SUSD1: variants seen among roughly 807,000 people sequenced by gnomAD.
The protein encoded by SUSD1 is sushi domain containing 1.
SUSD1 carries 65 observed loss-of-function variants against 86.9 expected under a neutral mutation model. The observed-to-expected ratio is 0.75, with a 90% CI of 0.61 to 0.92. SUSD1 has a LOEUF of 0.92. Among genes scored for constraint, SUSD1 ranks in the 40% least tolerant of loss-of-function variants. SUSD1 has a pLI of 0.00. For synonymous variants in SUSD1, 346 were observed against 350.0 expected, an observed-to-expected ratio of 0.99 and a Z score of 0.13; for missense variants, 850 against 929.7, an observed-to-expected ratio of 0.91 and a Z score of 1.11.
chr9:112,078,342 T>C (rs1829610495), intron 12 of SUSD1, among the ~76,000 whole-genome samples, 196 bp downstream of exon 12: 1 of 151,982 alleles, frequency 6.6e-6, no homozygotes, highest in Admixed American at 6.6e-5. Flanking sequence ...AGACCCTGCC[T>C]CAAAAAAAGA....
chr9:112,129,760 T>G (rs1225285007), intron 5 of SUSD1, among the ~76,000 whole-genome samples: 2 of 152,230 alleles, frequency 1.3e-5, no homozygotes, highest in Non-Finnish European at 2.9e-5. Context: ...TTATAATTCT[T>G]GTACCTCCAC....
At chr9:112,072,140 C>CTTTTTTTTTTTTTTTTTTTTTTTTTTTTT in intron 12 of SUSD1, among the ~76,000 whole-genome samples, 3 of 121,168 alleles carry the variant, frequency 2.5e-5, no homozygotes, top group Non-Finnish European at 3.3e-5. Flanking sequence ...CTTTCTTTCT[C>CTTTTTTTTTTTTTTTTTTTTTTTTTTTTT]TTTTTTTTTT....
At chr9:112,070,365 T>C (rs1829213940) in intron 12 of SUSD1, among the ~76,000 whole-genome samples, 1 of 152,206 alleles carries the variant, frequency 6.6e-6, no homozygotes, top group Admixed American at 6.5e-5. Context: ...CTAAGCCTCG[T>C]CAGGCTGGTT....
chr9:112,166,215 G>A (rs908879711), intron 1 of SUSD1, among the ~76,000 whole-genome samples: 9 of 152,152 alleles, frequency 5.9e-5, no homozygotes, highest in South Asian at 2.1e-4. Context: ...AGGACTTTGC[G>A]GGACAACTCT....
chr9:112,065,070 T>C (rs886437948), intron 12 of SUSD1, among the ~76,000 whole-genome samples: 1 of 152,212 alleles, frequency 6.6e-6, no homozygotes, highest in Non-Finnish European at 1.5e-5. Flanking sequence ...GATTGTTACT[T>C]GTCCAAAGGC....
chr9:112,117,772 G>C (rs1444480041), intron 6 of SUSD1, among the ~76,000 whole-genome samples: 1 of 152,106 alleles, frequency 6.6e-6, no homozygotes, highest in Non-Finnish European at 1.5e-5. Flanking sequence ...TAAAAACTAT[G>C]TATTATTTGG....
chr9:112,054,053 T>C (rs1045984283), intron 14 of SUSD1, among the ~76,000 whole-genome samples: 2 of 152,170 alleles, frequency 1.3e-5, no homozygotes, highest in African/African-American at 2.4e-5. Flanking sequence ...ATGGGAGGCA[T>C]GGCAATGCTA....
chr9:112,117,753 T>A (rs1831387989), intron 6 of SUSD1, among the ~76,000 whole-genome samples: 1 of 152,286 alleles, frequency 6.6e-6, no homozygotes, highest in Admixed American at 6.5e-5. Context: ...GTGCCTTAAA[T>A]ATAGATACTA....
chr9:112,082,967 A>G (rs968034144), intron 10 of SUSD1, among the ~76,000 whole-genome samples: 1 of 151,950 alleles, frequency 6.6e-6, no homozygotes, highest in African/African-American at 2.4e-5. Context: ...CTCCCACCTC[A>G]GCCTCCAAGC....
At chr9:112,117,267 T>A (rs968488968) in intron 6 of SUSD1, among the ~76,000 whole-genome samples, 1 of 152,184 alleles carries the variant, frequency 6.6e-6, no homozygotes, top group African/African-American at 2.4e-5. Flanking sequence ...AAACTCCATC[T>A]CCCTCTCTCC....
intron 12 of SUSD1, among the ~76,000 whole-genome samples, chr9:112,071,454 A>T (rs555021992): frequency 6.7e-6 from 1 of 149,340 alleles, no homozygotes; most frequent in African/African-American, 2.5e-5. Flanking sequence ...AATGAAACTC[A>T]GTCTCAAAAA....
intron 1 of SUSD1, among the ~76,000 whole-genome samples, chr9:112,166,321 T>A (rs1833826708): frequency 6.6e-6 from 1 of 152,164 alleles, no homozygotes; most frequent in Admixed American, 6.6e-5. Flanking sequence ...ATACAAAAAG[T>A]CCTGTGTCCC....
intron 12 of SUSD1, among the ~76,000 whole-genome samples, chr9:112,073,063 G>C (rs145177226): frequency 6.6e-6 from 1 of 152,342 alleles, no homozygotes; most frequent in Non-Finnish European, 1.5e-5. Flanking sequence ...ACCTAGTCCT[G>C]CACAGTCTTC....
At chr9:112,104,033 ATTC>A (rs141265106) in intron 8 of SUSD1, among the ~76,000 whole-genome samples, 12 of 119,000 alleles carry the variant, frequency 1.0e-4, no homozygotes, top group South Asian at 2.4e-4. Context: ...TCGCCTGACA[ATTC>A]TTCTTCTTCT....
At chr9:112,052,528 A>G in intron 14 of SUSD1, 90 bp from the exon 15 acceptor site, 1 of 1,442,646 alleles carries the variant, frequency 6.9e-7, no homozygotes, top group African/African-American at 1.4e-5. Context: ...TCTGAGTTTC[A>G]GCTTTTTCAA....
At position 112,120,800 on chromosome 9, in the gene SUSD1, T is replaced by C. The variant is rs190235505; in HGVS notation, c.886+3457A>G. 2.8e-4 allele frequency among the ~76,000 whole-genome samples: 43 copies of C among 152,200 alleles called. 1 individual carries two copies. The highest frequency in any genetic ancestry group is 5.0e-4 in the Non-Finnish European group (34 of 68,008). On this transcript the variant is annotated intron_variant, in intron 6 of 16. Transcript: ENST00000374270. ...ACTATGCCCCATGCAGATCCACTGG[T>C]TTTTCATGCGGTGACTAATTCTTAT...
chr9:112,098,811 C>G, intron 9 of SUSD1, 149 bp from the exon 10 acceptor site: 2 of 738,218 alleles, frequency 2.7e-6, no homozygotes, highest in Non-Finnish European at 4.4e-6. Flanking sequence ...AGCAAGCTAA[C>G]CTGAGGAAGG....
chr9:112,171,144 T>C lies in SUSD1; in HGVS notation c.103+3989A>G, dbSNP rs527800432. 7.9e-5 allele frequency among the ~76,000 whole-genome samples: 12 copies of C among 152,254 alleles called. No individual in the cohort carries two copies. In the South Asian group the frequency reaches 8.3e-4, roughly 11 times the overall value. ...GCTAATTTTTGCCCCCAATTCCAAC[T>C]TGGGACTAACCAGAAAAGCCAGATA... On this transcript the variant is annotated intron_variant, in intron 1 of 16. Coordinates refer to ENST00000374270, the MANE Select transcript of SUSD1 (RefSeq NM_022486.5).
intron 1 of SUSD1, among the ~76,000 whole-genome samples, chr9:112,167,161 A>G (rs992806738): frequency 1.3e-5 from 2 of 151,990 alleles, no homozygotes; most frequent in African/African-American, 2.4e-5. Context: ...TAGTGGCACA[A>G]TCATGGTTCA....
Sources: allele counts gnomAD v4.1 joint callset (sites outside exome capture counted in the v4.1 genomes callset), GRCh38; gene constraint gnomAD v4.1.1; transcripts MANE v1.5; gene names NCBI Gene and HGNC (gene_info 2026-07-23, HGNC 2026-07-21).